SLC7A13: variants seen among roughly 807,000 people sequenced by gnomAD.
SLC7A13 encodes solute carrier family 7 member 13, also known as X-amino acid transporter 2.
Under a neutral mutation model 32.0 loss-of-function variants are expected in SLC7A13, and 31 were observed. The observed-to-expected ratio is 0.97, with a 90% confidence interval of 0.73 to 1.31. SLC7A13 has a LOEUF of 1.31. Ranked by LOEUF, SLC7A13 falls within the 50% of genes most tolerant of loss-of-function variation. The pLI, the probability that SLC7A13 is intolerant of heterozygous loss-of-function variation, is 0.00. For missense variants in SLC7A13, 633 were observed against 546.9 expected, an observed-to-expected ratio of 1.16 and a Z score of -1.57; for synonymous variants, 232 against 206.9, an observed-to-expected ratio of 1.12 and a Z score of -1.04.
In SLC7A13 at chr8:86,230,317, T is replaced by C. The variant is rs760215669; in HGVS notation, c.-40A>G. On this transcript the variant is annotated 5_prime_UTR_variant, in exon 1 of 4. Coordinates refer to ENST00000297524, the MANE Select transcript of SLC7A13 (RefSeq NM_138817.3). ...TTTAAAATTCTATATAAATTACAATTTCTAGATTTTCCTGCCTATGTAGCT... is the reference window on the plus strand; with the variant it reads ...TTTAAAATTCTATATAAATTACAATCTCTAGATTTTCCTGCCTATGTAGCT... 6.8e-7 allele frequency: 1 copy of C among 1,480,100 alleles called. No homozygotes were observed. The highest frequency in any genetic ancestry group is 9.0e-7 in the Non-Finnish European group (1 of 1,110,734). The allele number at this position is 1,480,100 out of a possible 1,614,324, so 91.7% of individuals were successfully genotyped here.
intron 3 of SLC7A13, among the ~76,000 whole-genome samples, chr8:86,216,469 A>T (rs1723868795): frequency 6.6e-6 from 1 of 152,190 alleles, no homozygotes; most frequent in South Asian, 2.1e-4. Context: ...TACTGAAAGT[A>T]CCTAGCAAGG....
At position 86,217,258 on chromosome 8, in the gene SLC7A13, T is replaced by C. The variant is rs149945121; in HGVS notation, c.1179+212A>G. Among the ~76,000 whole-genome samples the C allele has an allele frequency of 1.1e-3, 162 of 152,266 alleles. 1 individual carries two copies. Among genetic ancestry groups the C allele is most frequent in the African/African-American group, 3.7e-3 (153 of 41,572 alleles). On this transcript the variant is annotated intron_variant, in intron 3 of 3. Transcript: ENST00000297524. Reference sequence around the variant, plus strand: ...CCCAGAGAACTATTTTTCTCTCTAATAAACCGTTAAATGGAATCTAAGAGA... The same window carrying C: ...CCCAGAGAACTATTTTTCTCTCTAACAAACCGTTAAATGGAATCTAAGAGA...
intron 2 of SLC7A13, among the ~76,000 whole-genome samples, chr8:86,219,186 C>T (rs1035797197): frequency 1.3e-5 from 2 of 152,106 alleles, no homozygotes; most frequent in African/African-American, 4.8e-5. Context: ...CTCCTGGACA[C>T]CCATACCTCC....
At chr8:86,218,239 C>G (rs145373446) in intron 2 of SLC7A13, among the ~76,000 whole-genome samples, 2 of 152,078 alleles carry the variant, frequency 1.3e-5, no homozygotes, top group African/African-American at 4.8e-5. Context: ...TTATAGAGTC[C>G]TGATAGTTAC....
chr8:86,225,639 C>T lies in SLC7A13; in HGVS notation c.686-2536G>A, dbSNP rs141990314. On this transcript the variant is annotated intron_variant, in intron 1 of 3. Transcript: ENST00000297524. Reference sequence around the variant, plus strand: ...TCTTGAACTTAAAAGATGGGTATTCCGGCCGGGTGTGGTGATTCACGTCTG... The same window carrying T: ...TCTTGAACTTAAAAGATGGGTATTCTGGCCGGGTGTGGTGATTCACGTCTG... 3.9e-5 allele frequency among the ~76,000 whole-genome samples: 6 copies of T among 152,084 alleles called. No individual in the cohort carries two copies. In the East Asian group the frequency reaches 5.8e-4, roughly 15 times the overall value.
intron 1 of SLC7A13, among the ~76,000 whole-genome samples, chr8:86,226,193 A>G (rs1820386931): frequency 6.6e-6 from 1 of 152,208 alleles, no homozygotes; most frequent in Non-Finnish European, 1.5e-5. Flanking sequence ...ACATCTCTGC[A>G]ATGGGATACA....
intron 1 of SLC7A13, among the ~76,000 whole-genome samples, chr8:86,228,221 T>A (rs1030967492): frequency 6.6e-6 from 1 of 152,182 alleles, no homozygotes; most frequent in Non-Finnish European, 1.5e-5. Context: ...CCCAGTGCTG[T>A]CATTGCAGAC....
intron 1 of SLC7A13, among the ~76,000 whole-genome samples, chr8:86,224,418 A>G (rs1253861979): frequency 6.6e-6 from 1 of 152,172 alleles, no homozygotes; most frequent in Non-Finnish European, 1.5e-5. Flanking sequence ...TTCCTATTAT[A>G]CATTTCTCAT....
chr8:86,223,018 G>C lies in SLC7A13; in HGVS notation c.771C>G (p.Asn257Lys). ...GTGTCAGAACAGTCAGATAGGAAAT[G>C]TTAACCAGTAAATAAACTACAGTCA... is the stretch of plus-strand genomic sequence containing the variant. ...PLVTVVYLLV[N>K]ISYLTVLTPR... The change falls in exon 2 of 4, where the codon AAC becomes AAG. Residue 257 changes from asparagine to lysine, a missense_variant. Asn to Lys is a moderately conservative substitution (Grantham distance 94). Coordinates refer to ENST00000297524, the MANE Select transcript of SLC7A13 (RefSeq NM_138817.3). 6.2e-7 allele frequency: 1 copy of C among 1,609,200 alleles called. No individual in the cohort carries two copies. Among genetic ancestry groups the C allele is most frequent in the Non-Finnish European group, 8.5e-7 (1 of 1,177,770 alleles).
Position 86,229,693 on chromosome 8 carries a change from A to G in SLC7A13, c.585T>C (p.Asn195=). Residue 195 remains asparagine (N), a synonymous_variant, in exon 1 of 4, where the codon AAT becomes AAC. Transcript: ENST00000297524. ...TATCTGGAAGTTCAGCATCAAAAGC[A>G]TTCTGAAATCGTTCTACATTCTCCT... is the stretch of plus-strand genomic sequence containing the variant. The part of the protein sequence containing the change: ...GKKENVERFQ[N]AFDAELPDIS... The G allele has an allele frequency of 1.9e-6, 3 of 1,614,232 alleles. No individual in the cohort carries two copies. Among genetic ancestry groups the G allele is most frequent in the Non-Finnish European group, 2.5e-6 (3 of 1,180,040 alleles).
chr8:86,215,532 A>C, intron 3 of SLC7A13: 1 of 311,702 alleles, frequency 3.2e-6, no homozygotes, highest in Non-Finnish European at 6.3e-6. Context: ...CTAAAATTAC[A>C]AAAGTTAGCT....
intron 3 of SLC7A13, chr8:86,215,782 T>C (rs1219918923): frequency 6.1e-6 from 2 of 327,120 alleles, no homozygotes; most frequent in Admixed American, 8.1e-5. Flanking sequence ...TCAGTATCAG[T>C]TATCAAATAA....
At chr8:86,225,338 G>C (rs988817455) in intron 1 of SLC7A13, among the ~76,000 whole-genome samples, 2 of 152,058 alleles carry the variant, frequency 1.3e-5, no homozygotes, top group African/African-American at 4.8e-5. Context: ...GGCTGTCAAG[G>C]TTTCAATCTC....
Position 86,230,008 on chromosome 8 carries a change from G to A in SLC7A13, c.270C>T (p.Ser90=). 1 of 1,614,142 alleles carries A rather than the reference G, an allele frequency of 6.2e-7. No individual in the cohort carries two copies. The highest frequency in any genetic ancestry group is 8.5e-7 in the Non-Finnish European group (1 of 1,180,022). ...QYYFLKRYFG[S]TVAFLNLWTS... Reference sequence around the variant, plus strand: ...TCCAGAGATTCAAAAAAGCAACCGTGGAGCCAAAGTATCTCTTGAGAAAAT... The same window carrying A: ...TCCAGAGATTCAAAAAAGCAACCGTAGAGCCAAAGTATCTCTTGAGAAAAT... Residue 90 remains serine (S), a synonymous_variant, in exon 1 of 4, where the codon TCC becomes TCT. Transcript: ENST00000297524.
At chr8:86,227,883 C>T (rs1029026597) in intron 1 of SLC7A13, among the ~76,000 whole-genome samples, 9 of 151,978 alleles carry the variant, frequency 5.9e-5, no homozygotes, top group Admixed American at 3.9e-4. Flanking sequence ...GGGAGCTAAA[C>T]AGTAAGTACA....
chr8:86,218,566 AC>A (rs1447801928), intron 2 of SLC7A13, among the ~76,000 whole-genome samples: 1 of 152,134 alleles, frequency 6.6e-6, no homozygotes, highest in Non-Finnish European at 1.5e-5. Flanking sequence ...CCTATAATGT[AC>A]AGGACAATTC....
At position 86,214,577 on chromosome 8, in the gene SLC7A13, A is replaced by G; in HGVS notation, c.1249T>C (p.Ser417Pro). The change falls in exon 4 of 4, where the codon TCT (serine) becomes CCT (proline). Residue 417 changes from serine (S) to proline (P), a missense_variant. By Grantham distance (74) the Ser-to-Pro change is moderately conservative (BLOSUM62 -1). Transcript: ENST00000297524. ...VGLVVIPLVK[S>P]PNVHYVYVLL... ...ACGTAGACATAATGCACATTTGGAG[A>G]CTTTACCAATGGTATCACAACCAAG... is the stretch of plus-strand genomic sequence containing the variant. 6.2e-7 allele frequency: 1 copy of G among 1,613,810 alleles called. No individual in the cohort carries two copies.
intron 1 of SLC7A13, among the ~76,000 whole-genome samples, chr8:86,225,886 G>A (rs1820382472): frequency 6.6e-6 from 1 of 152,068 alleles, no homozygotes; most frequent in African/African-American, 2.4e-5. Flanking sequence ...AACTATGATT[G>A]CACAGCTGCA....
At chr8:86,221,285 A>C (rs1393856434) in intron 2 of SLC7A13, among the ~76,000 whole-genome samples, 1 of 151,820 alleles carries the variant, frequency 6.6e-6, no homozygotes, top group Non-Finnish European at 1.5e-5. Context: ...ATTTCCCATA[A>C]ATTTTTTATT....
Sources: gnomAD v4.1 joint callset for allele counts (sites outside exome capture counted in the v4.1 genomes callset) on GRCh38, gnomAD v4.1.1 for gene constraint, MANE v1.5 for transcripts, NCBI Gene and HGNC (gene_info 2026-07-23, HGNC 2026-07-21) for gene names.